The following C7orf33 variants were observed in gnomAD, a reference collection of about 807,000 sequenced individuals.
C7orf33 encodes chromosome 7 open reading frame 33.
In C7orf33, 15 loss-of-function variants were observed where a neutral mutation model predicts 13.4. The observed-to-expected ratio is 1.12, with a 90% CI of 0.75 to 1.72. C7orf33 has a LOEUF of 1.72. Ranked by LOEUF, C7orf33 falls within the 40% of genes most tolerant of loss-of-function variation. The pLI, the probability that C7orf33 is intolerant of heterozygous loss-of-function variation, is 0.00. For synonymous variants in C7orf33, 73 were observed against 83.2 expected (o/e 0.88, Z 0.67); for missense variants, 187 against 220.3 (o/e 0.85, Z 0.96).
At chr7:148,594,201 G>C (rs559240192) in intron 1 of C7orf33, among the ~76,000 whole-genome samples, 1 of 142,494 alleles carries the variant, frequency 7.0e-6, no homozygotes, top group South Asian at 2.2e-4. Context: ...CTGAGACAGA[G>C]TCTTCGCTCT....
intron 1 of C7orf33, among the ~76,000 whole-genome samples, chr7:148,606,891 C>T (rs1212672614): frequency 2.0e-5 from 3 of 149,224 alleles, no homozygotes; most frequent in African/African-American, 7.4e-5. Flanking sequence ...CTGGCCACCT[C>T]ATAAGGTTCT....
At chr7:148,601,026 T>A (rs1011670641) in intron 1 of C7orf33, among the ~76,000 whole-genome samples, 13 of 151,956 alleles carry the variant, frequency 8.6e-5, no homozygotes, top group Non-Finnish European at 1.5e-4. Context: ...ATGGTCTCGA[T>A]CTCCTGACCT....
chr7:148,596,549 G>C (rs1040158616), intron 1 of C7orf33, among the ~76,000 whole-genome samples: 2 of 152,098 alleles, frequency 1.3e-5, no homozygotes, highest in African/African-American at 4.8e-5. Context: ...ATGGCAGCAG[G>C]CAAAGAAAGA....
At position 148,608,409 on chromosome 7, in the gene C7orf33, G is replaced by A. The variant is rs747314280; in HGVS notation, c.205-5633G>A. ...CAGGCCACTGCACTCCAGCCTGGGCGACAGAGTGAGACTGCATCTCGAAAT... is the reference window on the plus strand; with the variant it reads ...CAGGCCACTGCACTCCAGCCTGGGCAACAGAGTGAGACTGCATCTCGAAAT... On this transcript the variant is annotated intron_variant, in intron 1 of 2. Coordinates refer to ENST00000307003, the MANE Select transcript of C7orf33 (RefSeq NM_145304.4). 4.5e-4 allele frequency among the ~76,000 whole-genome samples: 69 copies of A among 152,072 alleles called. 1 individual carries two copies. Among genetic ancestry groups the A allele is most frequent in the East Asian group, 1.7e-3 (9 of 5,152 alleles).
intron 1 of C7orf33, among the ~76,000 whole-genome samples, chr7:148,604,120 C>CTT (rs397686514): frequency 0.016 from 2,318 of 141,624 alleles, 19 homozygotes; most frequent in Middle Eastern, 0.032. Context: ...GACCATTATT[C>CTT]TTTTTTTTTT....
chr7:148,609,077 C>A (rs894718260), intron 1 of C7orf33, among the ~76,000 whole-genome samples: 2 of 146,310 alleles, frequency 1.4e-5, no homozygotes, highest in African/African-American at 2.5e-5. Flanking sequence ...TAGAAAATAC[C>A]TTTCACGTTG....
intron 1 of C7orf33, among the ~76,000 whole-genome samples, chr7:148,596,792 C>T (rs1319759279): frequency 6.6e-6 from 1 of 152,126 alleles, no homozygotes; most frequent in Non-Finnish European, 1.5e-5. Flanking sequence ...CCATCTGTTC[C>T]TCCCTTCCTC....
intron 1 of C7orf33, among the ~76,000 whole-genome samples, chr7:148,601,904 T>C (rs930048464): frequency 3.3e-5 from 5 of 151,784 alleles, no homozygotes; most frequent in Non-Finnish European, 5.9e-5. Flanking sequence ...CATGCTCCCA[T>C]GCCCAGCTGA....
In C7orf33 at chr7:148,600,439, G is replaced by A. The variant is rs186639971; in HGVS notation, c.204+9310G>A. Reference sequence around the variant, plus strand: ...TGAGCTGAGATCATGCTATTGTACTGCAGCCTGGGTGACAGAGCAAGACTC... The same window carrying A: ...TGAGCTGAGATCATGCTATTGTACTACAGCCTGGGTGACAGAGCAAGACTC... On this transcript the variant is annotated intron_variant, in intron 1 of 2. Coordinates refer to ENST00000307003, the MANE Select transcript of C7orf33 (RefSeq NM_145304.4). Among the ~76,000 whole-genome samples, 145 of 152,194 alleles carry A rather than the reference G, an allele frequency of 9.5e-4. 1 individual carries two copies. In the Middle Eastern group the frequency reaches 0.014, roughly 14 times the overall value.
At chr7:148,591,234 G>GT in intron 1 of C7orf33, 105 bp downstream of exon 1, 1 of 975,472 alleles carries the variant, frequency 1.0e-6, no homozygotes, top group South Asian at 1.4e-5. Flanking sequence ...TCTACTATGT[G>GT]TTATGGAACT....
intron 1 of C7orf33, among the ~76,000 whole-genome samples, chr7:148,606,516 C>T (rs1264609703): frequency 6.6e-6 from 1 of 152,174 alleles, no homozygotes; most frequent in Non-Finnish European, 1.5e-5. Context: ...AAAAAATATG[C>T]AGCAGACACA....
chr7:148,605,386 T>A (rs565787241), intron 1 of C7orf33, among the ~76,000 whole-genome samples: 13 of 152,276 alleles, frequency 8.5e-5, no homozygotes, highest in African/African-American at 3.1e-4. Context: ...TCAGGGCAAC[T>A]ACAACTGCAT....
intron 1 of C7orf33, among the ~76,000 whole-genome samples, chr7:148,598,807 G>C (rs13226802): frequency 7.8e-6 from 1 of 127,862 alleles, no homozygotes; most frequent in East Asian, 2.2e-4. Context: ...GAGAGAGAGA[G>C]AGAGAGAGAA....
chr7:148,601,331 A>G (rs1453098947), intron 1 of C7orf33, among the ~76,000 whole-genome samples: 1 of 152,018 alleles, frequency 6.6e-6, no homozygotes, highest in Non-Finnish European at 1.5e-5. Context: ...TATTTTCCAA[A>G]TAAGTGAGCT....
chr7:148,608,361 C>T (rs532572683), intron 1 of C7orf33, among the ~76,000 whole-genome samples: 8 of 152,022 alleles, frequency 5.3e-5, no homozygotes, highest in Non-Finnish European at 7.4e-5. Flanking sequence ...ACCCAGGAGG[C>T]GGAGGTTGCA....
At chr7:148,595,441 TAG>T in intron 1 of C7orf33, among the ~76,000 whole-genome samples, 1 of 131,936 alleles carries the variant, frequency 7.6e-6, no homozygotes. Flanking sequence ...CTATATAATA[TAG>T]ATATATATTA....
At chr7:148,598,688 A>G (rs912016776) in intron 1 of C7orf33, among the ~76,000 whole-genome samples, 3 of 141,154 alleles carry the variant, frequency 2.1e-5, no homozygotes, top group Non-Finnish European at 4.6e-5. Context: ...ACACATACCT[A>G]TATATATGTA....
At chr7:148,595,033 G>A (rs771063281) in intron 1 of C7orf33, among the ~76,000 whole-genome samples, 3 of 151,808 alleles carry the variant, frequency 2.0e-5, no homozygotes, top group Admixed American at 6.6e-5. Flanking sequence ...ACCTAACAAT[G>A]AGCACCAGCT....
At chr7:148,594,197 C>CAA (rs1397591804) in intron 1 of C7orf33, among the ~76,000 whole-genome samples, 1 of 135,616 alleles carries the variant, frequency 7.4e-6, no homozygotes, top group African/African-American at 2.8e-5. Context: ...TTTTCTGAGA[C>CAA]AGAGTCTTCG....
Sources: allele counts gnomAD v4.1 joint callset (sites outside exome capture counted in the v4.1 genomes callset), GRCh38; gene constraint gnomAD v4.1.1; transcripts MANE v1.5; gene names NCBI Gene and HGNC (gene_info 2026-07-23, HGNC 2026-07-21).